The following IQSEC1 variants were observed in gnomAD, a reference collection of about 807,000 sequenced individuals.
IQSEC1 encodes the protein IQ motif and Sec7 domain ArfGEF 1.
Under a neutral mutation model 91.0 loss-of-function variants are expected in IQSEC1, and 31 were observed. That is an observed-to-expected ratio of 0.34 (90% CI 0.26 to 0.46). The LOEUF (loss-of-function observed/expected upper bound fraction) is 0.46. Ranked by LOEUF, IQSEC1 falls within the 20% of genes least tolerant of loss-of-function variation. The pLI, the probability that IQSEC1 is intolerant of heterozygous loss-of-function variation, is 1.00. For synonymous variants in IQSEC1, 699 were observed against 662.6 expected (o/e 1.05, Z -0.84); for missense variants, 1,388 against 1,575.6 (o/e 0.88, Z 2.02).
intron 2 of IQSEC1, among the ~76,000 whole-genome samples, chr3:13,104,961 T>C (rs542659667): frequency 2.8e-4 from 43 of 152,336 alleles, no homozygotes; most frequent in African/African-American, 9.1e-4. Flanking sequence ...AGCCCAGTGT[T>C]TAACCTGAAA....
chr3:13,145,814 G>C lies in IQSEC1; in HGVS notation c.302+18290C>G, dbSNP rs796169550. ...CTGGGCGCCCGGGGGCGGGGGGGGG[G>C]GGTCCTGATCATTGGGAACAAGTTG... is the stretch of plus-strand genomic sequence containing the variant. On this transcript the variant is annotated intron_variant, in intron 2 of 15. Transcript: ENST00000648114. 4.5e-5 allele frequency among the ~76,000 whole-genome samples: 6 copies of C among 132,492 alleles called. 1 individual carries two copies. The highest frequency in any genetic ancestry group is 8.1e-5 in the African/African-American group (3 of 37,126). 86.9% of individuals were successfully genotyped at this position (132,492 alleles called of 152,430 possible).
At chr3:13,134,452 C>T (rs1706674523) in intron 2 of IQSEC1, among the ~76,000 whole-genome samples, 1 of 152,244 alleles carries the variant, frequency 6.6e-6, no homozygotes, top group Non-Finnish European at 1.5e-5. Context: ...GCCTGGGCGT[C>T]CTGGAGCAGC....
chr3:13,105,366 G>C (rs1706136979), intron 2 of IQSEC1, among the ~76,000 whole-genome samples: 1 of 152,134 alleles, frequency 6.6e-6, no homozygotes, highest in Non-Finnish European at 1.5e-5. Flanking sequence ...ACACATCCCA[G>C]GGTTCTCCCG....
At chr3:12,957,903 C>T (rs1392879648) in intron 1 of IQSEC1, among the ~76,000 whole-genome samples, 3 of 152,224 alleles carry the variant, frequency 2.0e-5, no homozygotes, top group African/African-American at 7.2e-5. Context: ...AGTCTACATT[C>T]GGCTCCACAC....
chr3:13,137,938 C>G (rs1262695409), intron 2 of IQSEC1, among the ~76,000 whole-genome samples: 4 of 152,204 alleles, frequency 2.6e-5, no homozygotes, highest in Admixed American at 2.6e-4. Context: ...TATCTGACCA[C>G]TAGACAGACC....
chr3:13,058,267 T>C (rs999467600), intron 1 of IQSEC1, among the ~76,000 whole-genome samples: 25 of 152,260 alleles, frequency 1.6e-4, no homozygotes, highest in Middle Eastern at 3.4e-3. Context: ...AGGGAGACTC[T>C]GTCTCAAAAA....
At chr3:12,905,865 G>T (rs559523032) in intron 12 of IQSEC1, among the ~76,000 whole-genome samples, 402 of 152,312 alleles carry the variant, frequency 2.6e-3, no homozygotes, top group African/African-American at 9.3e-3. Context: ...ATCACCACTT[G>T]GCTGAACCCT....
intron 1 of IQSEC1, among the ~76,000 whole-genome samples, chr3:12,968,205 TTGCCTGCC>T (rs1387471621): frequency 6.6e-6 from 1 of 152,196 alleles, no homozygotes; most frequent in African/African-American, 2.4e-5. Flanking sequence ...AACCTGGCCT[TTGCCTGCC>T]TGGACCGAAC....
At chr3:12,902,905 G>A (rs1011092440) in intron 12 of IQSEC1, 83 bp from the exon 13 acceptor site, 31 of 1,044,542 alleles carry the variant, frequency 3.0e-5, no homozygotes, top group African/African-American at 9.4e-5. Flanking sequence ...CTGCTGCCAC[G>A]GAGCCTGCAC....
chr3:13,052,464 T>G (rs1215785771), intron 1 of IQSEC1, among the ~76,000 whole-genome samples: 4 of 152,216 alleles, frequency 2.6e-5, no homozygotes, highest in African/African-American at 9.6e-5. Context: ...ATCTGGGCAG[T>G]TTCCAGTTTG....
In IQSEC1 at chr3:12,908,567, C is replaced by A. The variant is rs1484628268; in HGVS notation, c.2579-42G>T. 2.5e-6 allele frequency: 4 copies of A among 1,606,968 alleles called. No individual in the cohort carries two copies. In the African/African-American group the frequency reaches 4.0e-5, roughly 16 times the overall value. ...GAGGGTCCTGGTGAGAGGAGCACAG[C>A]CTAGAGTGGGCAGGAGACGGGGCCT... On this transcript the variant is annotated intron_variant, in intron 11 of 13. Coordinates refer to ENST00000613206, the MANE Select transcript of IQSEC1 (RefSeq NM_001134382.3). This position sits in a 1 kb window ranked among gnomAD's most constrained non-coding sequence, Gnocchi z 4.9.
At chr3:13,092,145 G>A (rs1291728280) in intron 2 of IQSEC1, among the ~76,000 whole-genome samples, 1 of 152,196 alleles carries the variant, frequency 6.6e-6, no homozygotes, top group African/African-American at 2.4e-5. Flanking sequence ...AAAGGGGCTA[G>A]TGAGATGCCT....
Position 12,936,162 on chromosome 3 carries a change from G to A in IQSEC1, c.854C>T (p.Ser285Leu), listed in dbSNP as rs776326543. 4.3e-6 allele frequency: 7 copies of A among 1,612,732 alleles called. No individual in the cohort carries two copies. The highest frequency in any genetic ancestry group is 5.9e-6 in the Non-Finnish European group (7 of 1,179,942). ...GATGTACAGGGTGACATCACTGTAC[G>A]AGGCCGTCATCTCGTCCAGTTTGCG... Reference protein sequence around the residue: ...DHRKLDEMTASYSDVTLYIDE... With the variant: ...DHRKLDEMTALYSDVTLYIDE... Residue 285 changes from serine (S) to leucine (L), a missense_variant, in exon 3 of 14, where the codon TCG (serine) becomes TTG (leucine). By Grantham distance (145) the Ser-to-Leu change is moderately radical (BLOSUM62 -2). Coordinates refer to ENST00000613206, the MANE Select transcript of IQSEC1 (RefSeq NM_001134382.3).
At chr3:13,039,199 A>G (rs1195119778) in intron 1 of IQSEC1, among the ~76,000 whole-genome samples, 1 of 152,262 alleles carries the variant, frequency 6.6e-6, no homozygotes, top group Non-Finnish European at 1.5e-5. Context: ...TAAAGAGTCT[A>G]TAGAGGCATC....
intron 1 of IQSEC1, among the ~76,000 whole-genome samples, chr3:12,949,519 T>C (rs1358900398): frequency 6.6e-6 from 1 of 152,214 alleles, no homozygotes; most frequent in Non-Finnish European, 1.5e-5. Context: ...CCTCATGGCT[T>C]CCCCTATACT....
chr3:13,057,576 C>T (rs1294247180), intron 1 of IQSEC1, among the ~76,000 whole-genome samples: 2 of 152,264 alleles, frequency 1.3e-5, no homozygotes, highest in African/African-American at 2.4e-5. Flanking sequence ...GAACACCCCA[C>T]TGTCCCCAGC....
At chr3:13,276,121 C>T (rs1242716721) in intron 1 of IQSEC1, among the ~76,000 whole-genome samples, 1 of 105,898 alleles carries the variant, frequency 9.4e-6, no homozygotes, top group African/African-American at 3.6e-5. Context: ...CAGAGTCTTG[C>T]TCTGTCACTC....
intron 2 of IQSEC1, among the ~76,000 whole-genome samples, chr3:13,084,554 CG>C (rs1202462987): frequency 1.3e-5 from 2 of 152,192 alleles, no homozygotes; most frequent in African/African-American, 4.8e-5. Flanking sequence ...CAGATGATGA[CG>C]GGTGCCATGA....
intron 1 of IQSEC1, among the ~76,000 whole-genome samples, chr3:13,242,026 C>T (rs947659725): frequency 6.6e-6 from 1 of 152,182 alleles, no homozygotes; most frequent in Admixed American, 6.5e-5. Context: ...TACATACACA[C>T]ATGTGTGTAT....
Sources: gnomAD v4.1 joint callset for allele counts (sites outside exome capture counted in the v4.1 genomes callset) on GRCh38, gnomAD v4.1.1 for gene constraint, Gnocchi (gnomAD v3.1) non-coding constraint, MANE v1.5 for transcripts, NCBI Gene and HGNC (gene_info 2026-07-23, HGNC 2026-07-21) for gene names.